The following ZBTB38 variants were observed in gnomAD, a reference collection of about 807,000 sequenced individuals.
The protein encoded by ZBTB38 is zinc finger and BTB domain-containing protein 38.
A neutral mutation model predicts 76.8 loss-of-function variants in ZBTB38; 20 were observed. That is an observed-to-expected ratio of 0.26 (90% CI 0.18 to 0.38). The LOEUF (loss-of-function observed/expected upper bound fraction) is 0.38, where lower values mean the gene tolerates loss of function less well. ZBTB38 is among the 10% of genes least tolerant of loss of function. The pLI is 1.00. For missense variants in ZBTB38, 1,082 were observed against 1,482.3 expected (o/e 0.73, Z 4.43); for synonymous variants, 504 against 544.2 (o/e 0.93, Z 1.03).
At chr3:141,325,557 A>G (rs1407713245) in intron 1 of ZBTB38, among the ~76,000 whole-genome samples, 1 of 152,224 alleles carries the variant, frequency 6.6e-6, no homozygotes, top group Non-Finnish European at 1.5e-5. Context: ...AGGTTAGGAA[A>G]AGTCACTATA....
At chr3:141,335,904 A>G (rs1430871327) in intron 1 of ZBTB38, among the ~76,000 whole-genome samples, 1 of 152,266 alleles carries the variant, frequency 6.6e-6, no homozygotes, top group African/African-American at 2.4e-5. Context: ...ATGCTGACAC[A>G]TAGTAGAATG....
Position 141,445,864 on chromosome 3 carries a change from G to T in ZBTB38, c.3476G>T (p.Gly1159Val). 2 of 1,613,280 alleles carry T rather than the reference G, an allele frequency of 1.2e-6. No homozygotes were observed. The highest frequency in any genetic ancestry group is 1.7e-6 in the Non-Finnish European group (2 of 1,180,030). ...AGCCCAAGTCAGCAGGAGAAAATAG[G>T]TGACGTGTGCCACGAAAACTCAAAT... Reference protein sequence around the residue: ...FKSPSQQEKIGDVCHENSNPL... With the variant: ...FKSPSQQEKIVDVCHENSNPL... Residue 1159 changes from glycine to valine, a missense_variant, in exon 6 of 6, where the codon GGT becomes GTT. Gly to Val is a moderately radical substitution (Grantham distance 109, BLOSUM62 -3). This residue lies in a region of ZBTB38 where 54 missense variants were observed against 57.9 expected (regional missense o/e 0.93). Transcript: ENST00000321464. The surrounding 1 kb of genome is among the most constrained non-coding windows in gnomAD (Gnocchi z 6.5).
intron 1 of ZBTB38, among the ~76,000 whole-genome samples, chr3:141,339,862 T>G (rs887128408): frequency 1.1e-4 from 17 of 152,292 alleles, no homozygotes; most frequent in African/African-American, 4.1e-4. Flanking sequence ...AGATACTAAT[T>G]TGGGAGTTGT....
In ZBTB38 at chr3:141,444,924, G is replaced by A. The variant is rs1483159827; in HGVS notation, c.2536G>A (p.Glu846Lys). The A allele has an allele frequency of 5.0e-6, 8 of 1,614,034 alleles. No individual in the cohort carries two copies. Among genetic ancestry groups the A allele is most frequent in the Middle Eastern group, 1.6e-4 (1 of 6,084 alleles). ...LCQITVKIGNEAIVKRHILGS... is the reference protein window; with the variant it reads ...LCQITVKIGNKAIVKRHILGS... ...CCAAATAACAGTGAAAATTGGAAAC[G>A]AAGCCATTGTGAAAAGGCACATTCT... The change falls in exon 6 of 6, where the codon GAA becomes AAA. Residue 846 changes from glutamate to lysine, a missense_variant. Coordinates refer to ENST00000321464, the MANE Select transcript of ZBTB38 (RefSeq NM_001376113.1). The surrounding 1 kb of genome is among the most constrained non-coding windows in gnomAD (Gnocchi z 5.1).
intron 4 of ZBTB38, among the ~76,000 whole-genome samples, chr3:141,403,348 A>G (rs570098961): frequency 2.0e-5 from 3 of 152,366 alleles, no homozygotes; most frequent in Admixed American, 6.5e-5. Flanking sequence ...TCAGAGAAGC[A>G]GCTAGTGAGT....
At chr3:141,344,944 C>A (rs1217443378) in intron 1 of ZBTB38, among the ~76,000 whole-genome samples, 1 of 152,186 alleles carries the variant, frequency 6.6e-6, no homozygotes, top group Non-Finnish European at 1.5e-5. Context: ...TTCTGTCTAT[C>A]ACAGCTGCTA....
intron 3 of ZBTB38, among the ~76,000 whole-genome samples, chr3:141,385,411 C>T (rs1339319102): frequency 1.3e-5 from 2 of 151,914 alleles, no homozygotes; most frequent in African/African-American, 2.4e-5. Context: ...AAATAAAAGA[C>T]TTCTTGTTTT....
At chr3:141,358,173 T>C (rs71314585) in intron 1 of ZBTB38, among the ~76,000 whole-genome samples, 3,708 of 152,348 alleles carry the variant, frequency 0.024, 74 homozygotes, top group Non-Finnish European at 0.035. Flanking sequence ...AGGAAGTCTG[T>C]TGAATTCTAC....
chr3:141,331,760 G>T (rs1428964775), intron 1 of ZBTB38, among the ~76,000 whole-genome samples: 1 of 151,850 alleles, frequency 6.6e-6, no homozygotes, highest in Non-Finnish European at 1.5e-5. Context: ...TTGAGCAGAA[G>T]AGGAAAGATC....
intron 1 of ZBTB38, among the ~76,000 whole-genome samples, chr3:141,347,445 T>C (rs1943395410): frequency 6.6e-6 from 1 of 152,222 alleles, no homozygotes. Flanking sequence ...TTCTATAATA[T>C]ATAGTCTCTT....
chr3:141,363,125 G>T (rs1002660951), intron 1 of ZBTB38, among the ~76,000 whole-genome samples: 1 of 152,172 alleles, frequency 6.6e-6, no homozygotes, highest in Non-Finnish European at 1.5e-5. Flanking sequence ...TCTTAAGTCC[G>T]TGAGCATAGA....
intron 1 of ZBTB38, among the ~76,000 whole-genome samples, chr3:141,355,217 A>G (rs1241223719): frequency 6.6e-6 from 1 of 152,102 alleles, no homozygotes; most frequent in Non-Finnish European, 1.5e-5. Flanking sequence ...AATGCTGTGT[A>G]ATAGCAATAC....
chr3:141,325,703 T>G (rs1170732094), intron 1 of ZBTB38, among the ~76,000 whole-genome samples: 1 of 152,222 alleles, frequency 6.6e-6, no homozygotes, highest in Non-Finnish European at 1.5e-5. Flanking sequence ...GCATAGAGTT[T>G]GGTGAGTTGA....
intron 5 of ZBTB38, among the ~76,000 whole-genome samples, chr3:141,406,541 A>T (rs1363065296): frequency 6.6e-6 from 1 of 152,184 alleles, no homozygotes; most frequent in South Asian, 2.1e-4. Context: ...GTGTTGAAGC[A>T]TGCTGTCTCC....
chr3:141,393,937 G>A (rs1489712905), intron 4 of ZBTB38, among the ~76,000 whole-genome samples: 1 of 152,060 alleles, frequency 6.6e-6, no homozygotes, highest in Non-Finnish European at 1.5e-5. Context: ...CCTACAGATT[G>A]ATGTCCTTAA....
At chr3:141,356,539 G>A (rs540191457) in intron 1 of ZBTB38, among the ~76,000 whole-genome samples, 80 of 152,128 alleles carry the variant, frequency 5.3e-4, no homozygotes, top group Non-Finnish European at 9.3e-4. Context: ...AACCTTACAT[G>A]AAAGCCTCAC....
intron 3 of ZBTB38, among the ~76,000 whole-genome samples, chr3:141,381,839 A>G (rs578159243): frequency 2.1e-4 from 32 of 152,330 alleles, no homozygotes; most frequent in African/African-American, 7.0e-4. Flanking sequence ...TTGATTTTTT[A>G]GAATCACAAA....
intron 5 of ZBTB38, among the ~76,000 whole-genome samples, chr3:141,417,362 G>C (rs935380790): frequency 6.6e-6 from 1 of 152,086 alleles, no homozygotes; most frequent in Admixed American, 6.5e-5. Flanking sequence ...TTTTCCTCAG[G>C]CTTCTCAGAG....
Position 141,443,043 on chromosome 3 carries a change from G to A in ZBTB38, c.655G>A (p.Ala219Thr). The change falls in exon 6 of 6, where the codon GCC becomes ACC. Residue 219 changes from alanine (A) to threonine (T), a missense_variant. Physicochemically the swap from Ala to Thr is moderately conservative, Grantham distance 58. Coordinates refer to ENST00000321464, the MANE Select transcript of ZBTB38 (RefSeq NM_001376113.1). The surrounding 1 kb of genome is among the most constrained non-coding windows in gnomAD (Gnocchi z 5.6). ...CGAGGCAGAGCCTGTCCGCACACTT[G>A]CCGAGCACTCATACGCTGTTTCTTC... is the stretch of plus-strand genomic sequence containing the variant. ...CHEAEPVRTLAEHSYAVSSVA... is the reference protein window; with the variant it reads ...CHEAEPVRTLTEHSYAVSSVA... 6.2e-7 allele frequency: 1 copy of A among 1,614,236 alleles called. No individual in the cohort carries two copies. Among genetic ancestry groups the A allele is most frequent in the East Asian group, 2.2e-5 (1 of 44,890 alleles).
Sources: gnomAD v4.1 joint callset for allele counts (sites outside exome capture counted in the v4.1 genomes callset) on GRCh38, gnomAD v4.1.1 for gene constraint, gnomAD v4.1.1 regional missense constraint, Gnocchi (gnomAD v3.1) non-coding constraint, MANE v1.5 for transcripts, NCBI Gene and HGNC (gene_info 2026-07-23, HGNC 2026-07-21) for gene names.